The following EYS variants were observed in gnomAD, a reference collection of about 807,000 sequenced individuals.
EYS encodes protein eyes shut homolog.
A neutral mutation model predicts 282.1 loss-of-function variants in EYS; 250 were observed. The ratio of observed to expected loss-of-function variants is 0.89; its 90% CI spans 0.80 to 0.98. EYS has a LOEUF of 0.98. Among genes scored for constraint, EYS ranks in the 50% least tolerant of loss-of-function variants. EYS has a pLI of 0.00. For missense variants in EYS, 4,016 were observed against 3,709.0 expected (o/e 1.08, Z -2.15); for synonymous variants, 1,355 against 1,282.9 (o/e 1.06, Z -1.20).
At chr6:64,814,864 C>T (rs572000895) in intron 21 of EYS, among the ~76,000 whole-genome samples, 6 of 152,036 alleles carry the variant, frequency 3.9e-5, no homozygotes, top group South Asian at 4.1e-4. Flanking sequence ...ACTTCTTCAG[C>T]GTTTTACCTT....
intron 22 of EYS, among the ~76,000 whole-genome samples, chr6:64,667,718 C>T (rs1489869694): frequency 2.6e-5 from 4 of 151,918 alleles, no homozygotes; most frequent in Non-Finnish European, 5.9e-5. Context: ...AGGTAATTTA[C>T]ATATTGTTTT....
intron 9 of EYS, among the ~76,000 whole-genome samples, chr6:65,344,739 T>A (rs1440020369): frequency 1.3e-5 from 2 of 151,396 alleles, no homozygotes; most frequent in African/African-American, 4.8e-5. Flanking sequence ...TTTGAAATTG[T>A]AGGAAAAACC....
At chr6:64,290,126 T>C (rs149787438) in intron 30 of EYS, among the ~76,000 whole-genome samples, 1 of 152,254 alleles carries the variant, frequency 6.6e-6, no homozygotes, top group African/African-American at 2.4e-5. Context: ...TACGCAGCCA[T>C]ATAGCACTAA....
intron 33 of EYS, among the ~76,000 whole-genome samples, chr6:64,037,053 A>C (rs1413587463): frequency 6.6e-6 from 1 of 152,222 alleles, no homozygotes; most frequent in African/African-American, 2.4e-5. Context: ...ACTAGATCAT[A>C]TAATAGGCAA....
chr6:63,745,787 A>ATT (rs1251079063), intron 41 of EYS, among the ~76,000 whole-genome samples: 6 of 152,220 alleles, frequency 3.9e-5, no homozygotes, highest in Admixed American at 3.3e-4. Context: ...TGAAGCCCTA[A>ATT]TCCCCAGTGT....
intron 26 of EYS, among the ~76,000 whole-genome samples, chr6:64,449,733 A>G (rs1025384916): frequency 1.3e-5 from 2 of 152,232 alleles, no homozygotes; most frequent in African/African-American, 4.8e-5. Flanking sequence ...TTTTCAACCC[A>G]GAATTTCATA....
chr6:64,644,291 T>G (rs2149873549), intron 22 of EYS, among the ~76,000 whole-genome samples: 1 of 148,354 alleles, frequency 6.7e-6, no homozygotes, highest in Middle Eastern at 3.4e-3. Context: ...CCATAAAAAT[T>G]CTATATATGA....
intron 19 of EYS, among the ~76,000 whole-genome samples, chr6:64,855,156 G>A (rs1161511334): frequency 1.3e-5 from 2 of 151,644 alleles, no homozygotes; most frequent in African/African-American, 2.4e-5. Flanking sequence ...ATCCCCCACC[G>A]CGTTTGTGTG....
At chr6:65,266,891 TA>T (rs1217375183) in intron 12 of EYS, among the ~76,000 whole-genome samples, 1 of 139,162 alleles carries the variant, frequency 7.2e-6, no homozygotes. Flanking sequence ...TGTGTGCATA[TA>T]TATATATATA....
intron 12 of EYS, among the ~76,000 whole-genome samples, chr6:65,153,808 C>G (rs1379610917): frequency 6.6e-6 from 1 of 151,738 alleles, no homozygotes; most frequent in Non-Finnish European, 1.5e-5. Flanking sequence ...GTAATCACAT[C>G]TTTAGGCATG....
At chr6:64,475,269 AGGCCGGGCGCGGTGGCTCACGCCTGT>A (rs1776225515) in intron 26 of EYS, among the ~76,000 whole-genome samples, 5 of 135,248 alleles carry the variant, frequency 3.7e-5, no homozygotes, top group East Asian at 5.3e-4. Context: ...TGAAAAGAAA[AGGCCGGGCGCGGTGGCTCACGCCTGT>A]AATCCCAGCA....
intron 30 of EYS, among the ~76,000 whole-genome samples, chr6:64,231,533 T>C (rs1766425562): frequency 6.6e-6 from 1 of 152,134 alleles, no homozygotes; most frequent in Non-Finnish European, 1.5e-5. Flanking sequence ...TTTCCTAATA[T>C]TGGAAGTTTG....
chr6:65,243,769 T>C (rs543879178), intron 12 of EYS, among the ~76,000 whole-genome samples: 1 of 152,248 alleles, frequency 6.6e-6, no homozygotes, highest in South Asian at 2.1e-4. Flanking sequence ...AATAGCCATG[T>C]GTGGTGGCAC....
chr6:63,938,474 C>A (rs1373158908), intron 35 of EYS, among the ~76,000 whole-genome samples: 2 of 152,178 alleles, frequency 1.3e-5, no homozygotes, highest in Admixed American at 1.3e-4. Context: ...TCTGATCTAC[C>A]ATCCAGGCAG....
intron 37 of EYS, among the ~76,000 whole-genome samples, chr6:63,793,345 T>A (rs1407194135): frequency 1.3e-5 from 2 of 152,212 alleles, no homozygotes; most frequent in East Asian, 3.8e-4. Context: ...TGTGTGTATA[T>A]CAAGAACTGA....
intron 30 of EYS, among the ~76,000 whole-genome samples, chr6:64,263,389 G>A (rs891574562): frequency 3.9e-5 from 6 of 151,910 alleles, no homozygotes; most frequent in African/African-American, 1.2e-4. Context: ...TTTCATCTAA[G>A]CTTGTTGGTT....
At chr6:65,011,530 G>A (rs1004464482) in intron 13 of EYS, among the ~76,000 whole-genome samples, 1 of 152,154 alleles carries the variant, frequency 6.6e-6, no homozygotes, top group Non-Finnish European at 1.5e-5. Context: ...CCCTCCCGAG[G>A]AAATCTCAAC....
chr6:64,102,877 C>G (rs113161182), intron 31 of EYS, among the ~76,000 whole-genome samples: 6,410 of 152,094 alleles, frequency 0.042, 400 homozygotes, highest in African/African-American at 0.14. Context: ...ACATACCTTT[C>G]AGAAATACAA....
At chr6:64,345,039 GA>G (rs1771318616) in intron 29 of EYS, among the ~76,000 whole-genome samples, 1 of 152,078 alleles carries the variant, frequency 6.6e-6, no homozygotes, top group African/African-American at 2.4e-5. Flanking sequence ...GCTGCTCAAT[GA>G]AATCAAAGAG....
Sources: allele counts gnomAD v4.1 joint callset (sites outside exome capture counted in the v4.1 genomes callset), GRCh38; gene constraint gnomAD v4.1.1; transcripts MANE v1.5; gene names NCBI Gene and HGNC (gene_info 2026-07-23, HGNC 2026-07-21).